The following TPST2 variants were observed in gnomAD, a reference collection of about 807,000 sequenced individuals.
TPST2 encodes the protein protein-tyrosine sulfotransferase 2.
In TPST2, 16 loss-of-function variants were observed where a neutral mutation model predicts 27.8. That is an observed-to-expected ratio of 0.58 (90% CI 0.39 to 0.88). The LOEUF is 0.88. TPST2 is among the 40% of genes least tolerant of loss of function. The pLI is 0.00. For missense variants in TPST2, 464 were observed against 543.1 expected (o/e 0.85, Z 1.45); for synonymous variants, 229 against 231.7 (o/e 0.99, Z 0.10).
rs1401821051 is a variant in TPST2, at chr22:26,571,772, A to G, written c.-161+18281T>C. On this transcript the variant is annotated intron_variant, in intron 1 of 6. Transcript: ENST00000338754. ...CTCTTCCAGGCTTGCCTGTTGGAACAAGCCAGAAACCCAAGATCATGAACC... is the reference window on the plus strand; with the variant it reads ...CTCTTCCAGGCTTGCCTGTTGGAACGAGCCAGAAACCCAAGATCATGAACC... Among the ~76,000 whole-genome samples the G allele has an allele frequency of 2.0e-5, 3 of 152,162 alleles. No individual in the cohort carries two copies. The East Asian group carries it at 5.8e-4, about 29-fold the overall frequency.
rs181315229 is a variant in TPST2, at chr22:26,531,991, G to A, written c.1092+704C>T. ...TCTACAAAAAACACAAAAATTAGCC[G>A]GGCATGATGGTGTGTGTCTGTAGTC... On this transcript the variant is annotated intron_variant, in intron 5 of 6. Coordinates refer to ENST00000338754, the MANE Select transcript of TPST2 (RefSeq NM_003595.5). Among the ~76,000 whole-genome samples the A allele has an allele frequency of 1.4e-3, 215 of 152,200 alleles. 1 individual carries two copies. The highest frequency in any genetic ancestry group is 2.5e-3 in the Non-Finnish European group (167 of 68,018).
At position 26,524,467 on chromosome 22, in the gene TPST2, A is replaced by G. The variant is rs1924723900; in HGVS notation, c.*1808T>C. The G allele has an allele frequency of 6.6e-6, 1 of 152,284 alleles. No homozygotes were observed. The highest frequency in any genetic ancestry group is 2.1e-4 in the South Asian group (1 of 4,832). The allele number at this position is 152,284 out of a possible 1,614,324, so 9.4% of individuals were successfully genotyped here. On this transcript the variant is annotated 3_prime_UTR_variant, in exon 7 of 7. Coordinates refer to ENST00000338754, the MANE Select transcript of TPST2 (RefSeq NM_003595.5). ...GGCTGCAGTGAGCTATGATCACGCC[A>G]CTGTACTCTAGCCTGAGTGACAGAG...
At chr22:26,553,649 C>CTCATTTTTTTTTTTTTTTTAATTTT (rs1555931704) in intron 1 of TPST2, among the ~76,000 whole-genome samples, 1 of 151,690 alleles carries the variant, frequency 6.6e-6, no homozygotes, top group Non-Finnish European at 1.5e-5. Flanking sequence ...TGAGCTACTG[C>CTCATTTTTTTTTTTTTTTTAATTTT]ACCTGGCTGG....
chr22:26,571,056 G>A (rs1358586581), intron 1 of TPST2, among the ~76,000 whole-genome samples: 1 of 152,158 alleles, frequency 6.6e-6, no homozygotes, highest in Non-Finnish European at 1.5e-5. Context: ...CGGAAGTCAG[G>A]CTATGGCCCT....
Position 26,552,419 on chromosome 22 carries a change from C to T in TPST2, c.-160-7744G>A, listed in dbSNP as rs140311782. ...CCGAAGGGGAAACTGAGGCTTAGAG[C>T]GGTGAAATGCTTTGTTGGAGGTCAC... On this transcript the variant is annotated intron_variant, in intron 1 of 6. Transcript: ENST00000338754. Among the ~76,000 whole-genome samples, 484 of 152,226 alleles carry T rather than the reference C, an allele frequency of 3.2e-3. 4 individuals carry two copies. Among genetic ancestry groups the T allele is most frequent in the African/African-American group, 0.011 (448 of 41,544 alleles).
At chr22:26,542,696 C>A (rs1023086760) in intron 2 of TPST2, among the ~76,000 whole-genome samples, 2 of 152,034 alleles carry the variant, frequency 1.3e-5, no homozygotes, top group Non-Finnish European at 2.9e-5. Context: ...AGGAAACAGG[C>A]AGGTGGAGAA....
At chr22:26,576,768 C>T (rs1927852271) in intron 1 of TPST2, among the ~76,000 whole-genome samples, 1 of 151,694 alleles carries the variant, frequency 6.6e-6, no homozygotes, top group African/African-American at 2.4e-5. Context: ...ACAAGGAGTT[C>T]AAGACCAGCC....
At position 26,541,287 on chromosome 22, in the gene TPST2, T is replaced by G; in HGVS notation, c.344A>C (p.Lys115Thr). The change falls in exon 3 of 7, where the codon AAG becomes ACG. Residue 115 changes from lysine to threonine, a missense_variant. Transcript: ENST00000338754. This position sits in a 1 kb window ranked among gnomAD's most constrained non-coding sequence, Gnocchi z 5.9. Reference protein sequence around the residue: ...RVLAMRQAWSKSGREKLRLDE... With the variant: ...RVLAMRQAWSTSGREKLRLDE... ...CAGCCGCAGCTTCTCACGGCCAGAC[T>G]TGGACCAGGCCTGGCGCATGGCCAG... 6.5e-7 allele frequency: 1 copy of G among 1,541,118 alleles called. No homozygotes were observed. Among genetic ancestry groups the G allele is most frequent in the Non-Finnish European group, 8.8e-7 (1 of 1,142,336 alleles).
chr22:26,561,132 G>T (rs1439973854), intron 1 of TPST2: 42 of 1,606,812 alleles, frequency 2.6e-5, no homozygotes, highest in Middle Eastern at 2.2e-4. Context: ...GGAAGATGAA[G>T]AAGATGAAGA....
At chr22:26,581,415 T>C (rs77037939) in intron 1 of TPST2, among the ~76,000 whole-genome samples, 3,655 of 152,258 alleles carry the variant, frequency 0.024, 160 homozygotes, top group African/African-American at 0.085. Flanking sequence ...TGCACAGGTA[T>C]TTGTTGAGTA....
At chr22:26,573,756 G>A (rs1927724020) in intron 1 of TPST2, among the ~76,000 whole-genome samples, 1 of 152,140 alleles carries the variant, frequency 6.6e-6, no homozygotes, top group African/African-American at 2.4e-5. Context: ...CATATTATTA[G>A]GGGCAGCAGT....
intron 1 of TPST2, among the ~76,000 whole-genome samples, chr22:26,570,053 A>AAGAAAGAAAGACAGACAGAC (rs1569193969): frequency 2.3e-5 from 3 of 131,548 alleles, no homozygotes; most frequent in Non-Finnish European, 3.2e-5. Flanking sequence ...GACAGAAAGA[A>AAGAAAGAAAGACAGACAGAC]AGAAAGAAAG....
chr22:26,536,251 C>T (rs375814805), intron 4 of TPST2, 37 bp downstream of exon 4: 1 of 1,611,824 alleles, frequency 6.2e-7, no homozygotes, highest in African/African-American at 1.3e-5. Flanking sequence ...CCCATATCCC[C>T]AAGAGTACAC....
At chr22:26,528,080 G>A (rs1371254568) in intron 6 of TPST2, 134 bp downstream of exon 6, 3 of 940,558 alleles carry the variant, frequency 3.2e-6, no homozygotes, top group East Asian at 2.6e-5. Context: ...CTCTGATGGG[G>A]CTGGGTCAGC....
Position 26,541,609 on chromosome 22 carries a change from C to T in TPST2, c.22G>A (p.Val8Met). The T allele has an allele frequency of 6.3e-7, 1 of 1,587,650 alleles. No homozygotes were observed. Among genetic ancestry groups the T allele is most frequent in the East Asian group, 2.3e-5 (1 of 43,774 alleles). The change falls in exon 3 of 7, where the codon GTG (valine) becomes ATG (methionine). Residue 8 changes from valine (V) to methionine (M), a missense_variant. Physicochemically the swap from Val to Met is conservative, Grantham distance 21. Transcript: ENST00000338754. The surrounding 1 kb of genome is among the most constrained non-coding windows in gnomAD (Gnocchi z 5.9). MRLSVRR[V>M]LLAAGCALVL... ...AGGGCGCAGCCGGCTGCCAGCAGCACCCTCCGCACCGACAGGCGCATGCTG... is the reference window on the plus strand; with the variant it reads ...AGGGCGCAGCCGGCTGCCAGCAGCATCCTCCGCACCGACAGGCGCATGCTG...
intron 3 of TPST2, among the ~76,000 whole-genome samples, chr22:26,539,866 ACTT>A (rs1925697670): frequency 6.6e-6 from 1 of 152,216 alleles, no homozygotes; most frequent in African/African-American, 2.4e-5. Context: ...GAGGCCAGTA[ACTT>A]CTCCTCTGTG....
At chr22:26,559,986 A>G (rs1927004744) in intron 1 of TPST2, among the ~76,000 whole-genome samples, 1 of 152,226 alleles carries the variant, frequency 6.6e-6, no homozygotes, top group Admixed American at 6.5e-5. Context: ...TATCATATAC[A>G]TATCAATGCT....
intron 1 of TPST2, among the ~76,000 whole-genome samples, chr22:26,571,419 C>T (rs780369758): frequency 2.6e-5 from 4 of 152,024 alleles, no homozygotes; most frequent in Non-Finnish European, 4.4e-5. Flanking sequence ...GAAGCCCTCA[C>T]CCTGCGTGAT....
rs865940886 is a variant in TPST2 at position 26,525,569 on chromosome 22, A to C, written c.*706T>G. The C allele has an allele frequency of 6.6e-6, 1 of 152,202 alleles. No homozygotes were observed. Among genetic ancestry groups the C allele is most frequent in the Non-Finnish European group, 1.5e-5 (1 of 68,054 alleles). 9.4% of individuals were successfully genotyped at this position (152,202 alleles called of 1,614,324 possible). ...GCTGTAATAAACCATAACCATAAGG[A>C]TAATAGCTCTTCTGAATTCTGAGTT... is the stretch of plus-strand genomic sequence containing the variant. On this transcript the variant is annotated 3_prime_UTR_variant, in exon 7 of 7. Coordinates refer to ENST00000338754, the MANE Select transcript of TPST2 (RefSeq NM_003595.5).
Sources: gnomAD v4.1 joint callset for allele counts (sites outside exome capture counted in the v4.1 genomes callset) on GRCh38, gnomAD v4.1.1 for gene constraint, Gnocchi (gnomAD v3.1) non-coding constraint, MANE v1.5 for transcripts, NCBI Gene and HGNC (gene_info 2026-07-23, HGNC 2026-07-21) for gene names.